SLCO5A1: variants seen among roughly 807,000 people sequenced by gnomAD.
The protein encoded by SLCO5A1 is organic anion transporter polypeptide-related protein 4.
Under a neutral mutation model 65.1 loss-of-function variants are expected in SLCO5A1, and 39 were observed. That is an observed-to-expected ratio of 0.60 (90% CI 0.46 to 0.78). The LOEUF (loss-of-function observed/expected upper bound fraction) is 0.78. Ranked by LOEUF, SLCO5A1 falls within the 30% of genes least tolerant of loss-of-function variation. The probability of loss-of-function intolerance (pLI) is 0.00; values close to 1 mark genes in which losing one functional copy is unlikely to be tolerated. For synonymous variants in SLCO5A1, 438 were observed against 415.7 expected (o/e 1.05, Z -0.65); for missense variants, 1,029 against 1,069.4 (o/e 0.96, Z 0.53).
In SLCO5A1 at chr8:69,808,792, A is replaced by C. The variant is rs188681938; in HGVS notation, c.907+22975T>G. On this transcript the variant is annotated intron_variant, in intron 2 of 9. Transcript: ENST00000260126. ...AATATTCTCCTGAAAGCTACATACC[A>C]AGTCTAAATTTTGATAATCATAACT... Among the ~76,000 whole-genome samples, 5 of 152,308 alleles carry C rather than the reference A, an allele frequency of 3.3e-5. No homozygotes were observed. In the East Asian group the frequency reaches 9.6e-4, roughly 29 times the overall value.
intron 2 of SLCO5A1, among the ~76,000 whole-genome samples, chr8:69,790,163 G>C (rs959142793): frequency 7.0e-6 from 1 of 143,824 alleles, no homozygotes; most frequent in Non-Finnish European, 1.5e-5. Flanking sequence ...CTGCACTCCA[G>C]CCTGGGCAAC....
At chr8:69,807,895 G>A (rs1820069007) in intron 2 of SLCO5A1, among the ~76,000 whole-genome samples, 1 of 152,012 alleles carries the variant, frequency 6.6e-6, no homozygotes, top group African/African-American at 2.4e-5. Flanking sequence ...AGTAGAGACG[G>A]GGTTTCACCA....
At chr8:69,702,288 C>A (rs1192160195) in intron 6 of SLCO5A1, among the ~76,000 whole-genome samples, 1 of 152,218 alleles carries the variant, frequency 6.6e-6, no homozygotes, top group East Asian at 1.9e-4. Context: ...TTGCCCACAA[C>A]CTTCTGAGAT....
intron 6 of SLCO5A1, among the ~76,000 whole-genome samples, chr8:69,703,514 A>G (rs1469384049): frequency 1.3e-5 from 2 of 152,194 alleles, no homozygotes; most frequent in African/African-American, 2.4e-5. Context: ...GACGATGTCT[A>G]TAAATACATA....
At chr8:69,823,860 A>G (rs1411784431) in intron 2 of SLCO5A1, among the ~76,000 whole-genome samples, 1 of 152,130 alleles carries the variant, frequency 6.6e-6, no homozygotes, top group African/African-American at 2.4e-5. Flanking sequence ...TTCCAAAATT[A>G]ACCACATAGT....
chr8:69,822,363 T>C (rs2130921355), intron 2 of SLCO5A1, among the ~76,000 whole-genome samples: 1 of 152,274 alleles, frequency 6.6e-6, no homozygotes, highest in Non-Finnish European at 1.5e-5. Context: ...TAAAGAAAGA[T>C]GATCATCAAA....
At chr8:69,776,963 A>G (rs913005120) in intron 2 of SLCO5A1, among the ~76,000 whole-genome samples, 4 of 152,230 alleles carry the variant, frequency 2.6e-5, no homozygotes, top group African/African-American at 9.6e-5. Context: ...TGCTAGTGGG[A>G]ATGTAAAATT....
intron 7 of SLCO5A1, among the ~76,000 whole-genome samples, chr8:69,679,986 T>C (rs1291156386): frequency 6.6e-6 from 1 of 152,224 alleles, no homozygotes; most frequent in Admixed American, 6.5e-5. Context: ...ACCTTATTTT[T>C]CTTTGTGCTC....
chr8:69,791,651 C>T (rs893594612), intron 2 of SLCO5A1, among the ~76,000 whole-genome samples: 7 of 152,172 alleles, frequency 4.6e-5, no homozygotes, highest in Non-Finnish European at 8.8e-5. Flanking sequence ...ATCATGGAGA[C>T]GACTGAGAAA....
intron 2 of SLCO5A1, among the ~76,000 whole-genome samples, chr8:69,793,164 A>G (rs776165082): frequency 1.6e-4 from 24 of 152,136 alleles, no homozygotes; most frequent in Middle Eastern, 6.8e-3. Context: ...GTGTGTTTTT[A>G]GTAGAAACGG....
At chr8:69,763,663 AAAC>A (rs1323489689) in intron 2 of SLCO5A1, among the ~76,000 whole-genome samples, 2 of 149,900 alleles carry the variant, frequency 1.3e-5, no homozygotes, top group Admixed American at 6.7e-5. Context: ...GGTGTATAGC[AAAC>A]AACAACAAAT....
intron 2 of SLCO5A1, among the ~76,000 whole-genome samples, chr8:69,764,792 A>G (rs760465656): frequency 5.9e-5 from 9 of 152,210 alleles, no homozygotes; most frequent in Non-Finnish European, 1.2e-4. Context: ...AAAATGTGAC[A>G]TGAATCATTC....
intron 2 of SLCO5A1, among the ~76,000 whole-genome samples, chr8:69,792,630 T>C (rs2130893707): frequency 6.6e-6 from 1 of 152,220 alleles, no homozygotes; most frequent in South Asian, 2.1e-4. Context: ...GTGGTAAGGA[T>C]CAGAAGTAGG....
intron 2 of SLCO5A1, 144 bp downstream of exon 2, chr8:69,831,623 C>T: frequency 1.1e-6 from 1 of 903,908 alleles, no homozygotes; most frequent in Non-Finnish European, 1.6e-6. Flanking sequence ...AAACACACTA[C>T]AGCAAGGCTA....
intron 5 of SLCO5A1, among the ~76,000 whole-genome samples, chr8:69,717,140 A>G (rs188671011): frequency 8.5e-5 from 13 of 152,132 alleles, no homozygotes; most frequent in African/African-American, 3.1e-4. Context: ...ACGAACTCCA[A>G]CTCATCTATT....
At chr8:69,749,702 T>C (rs574171485) in intron 4 of SLCO5A1, among the ~76,000 whole-genome samples, 47 of 151,250 alleles carry the variant, frequency 3.1e-4, no homozygotes, top group Middle Eastern at 3.4e-3. Context: ...ACTATGTACC[T>C]ACTAGGTGGT....
At chr8:69,716,910 G>C (rs978866066) in intron 5 of SLCO5A1, among the ~76,000 whole-genome samples, 4 of 151,702 alleles carry the variant, frequency 2.6e-5, no homozygotes, top group African/African-American at 9.7e-5. Flanking sequence ...CTCCCAAATA[G>C]CTGGGACTAC....
intron 2 of SLCO5A1, among the ~76,000 whole-genome samples, chr8:69,771,080 G>T (rs1055856321): frequency 6.6e-6 from 1 of 152,064 alleles, no homozygotes; most frequent in Non-Finnish European, 1.5e-5. Flanking sequence ...CGCCTCCCGG[G>T]TTCAAGCGAT....
intron 6 of SLCO5A1, among the ~76,000 whole-genome samples, chr8:69,702,066 A>G (rs934765949): frequency 5.3e-5 from 8 of 152,214 alleles, no homozygotes; most frequent in Non-Finnish European, 1.0e-4. Flanking sequence ...AAGAATTTAA[A>G]ATTATTGCCC....
Sources: gnomAD v4.1 joint callset for allele counts (sites outside exome capture counted in the v4.1 genomes callset) on GRCh38, gnomAD v4.1.1 for gene constraint, MANE v1.5 for transcripts, NCBI Gene and HGNC (gene_info 2026-07-23, HGNC 2026-07-21) for gene names.